Variants in LMO2 observed in about 807,000 individuals in gnomAD.
LMO2 encodes rhombotin-2.
In LMO2, 20 loss-of-function variants were observed where a neutral mutation model predicts 23.2. That is an observed-to-expected ratio of 0.86 (90% CI 0.61 to 1.25). The LOEUF is 1.25. Among genes scored for constraint, LMO2 ranks in the 50% most tolerant of loss-of-function variants. The pLI, the probability that LMO2 is intolerant of heterozygous loss-of-function variation, is 0.00. For synonymous variants in LMO2, 123 were observed against 130.2 expected (o/e 0.94, Z 0.38); for missense variants, 270 against 315.3 (o/e 0.86, Z 1.09).
At chr11:33,865,246 G>A in intron 4 of LMO2, 1 of 251,508 alleles carries the variant, frequency 4.0e-6, no homozygotes, top group Non-Finnish European at 8.0e-6. Flanking sequence ...GACGCACTCT[G>A]GACTAAAAGA....
chr11:33,885,734 C>A (rs182451042), intron 1 of LMO2, among the ~76,000 whole-genome samples: 2 of 152,280 alleles, frequency 1.3e-5, no homozygotes, highest in African/African-American at 2.4e-5. Flanking sequence ...ATTGAGGGAT[C>A]CCCCAAGGGA....
chr11:33,891,519 T>C (rs1857552792), intron 1 of LMO2, among the ~76,000 whole-genome samples: 1 of 152,048 alleles, frequency 6.6e-6, no homozygotes, highest in Admixed American at 6.6e-5. Flanking sequence ...AATTAGCAGT[T>C]CCCGAAGACA....
intron 5 of LMO2, among the ~76,000 whole-genome samples, chr11:33,863,740 A>G (rs1856669006): frequency 1.3e-5 from 2 of 152,244 alleles, no homozygotes; most frequent in African/African-American, 4.8e-5. Flanking sequence ...GGCCCAGAGC[A>G]TGGGAGATGT....
At chr11:33,881,486 CG>C (rs1857283244) in intron 2 of LMO2, 1 of 436,952 alleles carries the variant, frequency 2.3e-6, no homozygotes. Flanking sequence ...GGTTGGGAGA[CG>C]GGGCTGGCAC....
In LMO2 at chr11:33,859,065, G is replaced by C; in HGVS notation, c.*291C>G. On this transcript the variant is annotated 3_prime_UTR_variant, in exon 6 of 6. Coordinates refer to ENST00000257818, the MANE Select transcript of LMO2 (RefSeq NM_005574.4). ...TGAAATTCCATCATGATAGCACAGC[G>C]CCTGCTTGCCCCTAAATGTTCCTTT... is the stretch of plus-strand genomic sequence containing the variant. 2.4e-6 allele frequency: 1 copy of C among 417,626 alleles called. No homozygotes were observed. Among genetic ancestry groups the C allele is most frequent in the South Asian group, 3.0e-5 (1 of 33,026 alleles). 25.9% of individuals were successfully genotyped at this position (417,626 alleles called of 1,614,324 possible). A position where few individuals can be genotyped will look rare whatever the true frequency, so the allele number is the denominator to read the frequency against.
chr11:33,882,669 T>G (rs1857314175), intron 1 of LMO2, among the ~76,000 whole-genome samples: 1 of 152,226 alleles, frequency 6.6e-6, no homozygotes, highest in South Asian at 2.1e-4. Context: ...TGGCAAACAA[T>G]GCCTACCTTT....
intron 4 of LMO2, among the ~76,000 whole-genome samples, chr11:33,866,514 T>C (rs1026609072): frequency 1.3e-5 from 2 of 152,140 alleles, no homozygotes; most frequent in African/African-American, 2.4e-5. Context: ...CATGAGCCAG[T>C]AGTCCCAGCT....
intron 4 of LMO2, among the ~76,000 whole-genome samples, chr11:33,868,596 C>T (rs933717192): frequency 2.0e-5 from 3 of 152,214 alleles, no homozygotes; most frequent in African/African-American, 7.2e-5. Flanking sequence ...GGCCAATGCT[C>T]ATTAGAGCTC....
chr11:33,883,985 T>G (rs549828925), intron 1 of LMO2, among the ~76,000 whole-genome samples: 67 of 152,252 alleles, frequency 4.4e-4, no homozygotes, highest in Non-Finnish European at 1.5e-5. Flanking sequence ...TGAAGTCAGC[T>G]GGTTGCAGAA....
intron 2 of LMO2, among the ~76,000 whole-genome samples, chr11:33,877,156 C>G (rs2133707349): frequency 6.6e-6 from 1 of 152,302 alleles, no homozygotes; most frequent in East Asian, 1.9e-4. Context: ...GGTATGGTGG[C>G]CTCCATGGGA....
At chr11:33,883,363 T>G (rs558539175) in intron 1 of LMO2, among the ~76,000 whole-genome samples, 14 of 152,344 alleles carry the variant, frequency 9.2e-5, no homozygotes, top group African/African-American at 3.1e-4. Flanking sequence ...TGTTGGCACA[T>G]AGGCCATGTA....
intron 1 of LMO2, among the ~76,000 whole-genome samples, chr11:33,882,156 T>C (rs1857298723): frequency 1.3e-5 from 2 of 151,340 alleles, no homozygotes; most frequent in Admixed American, 1.3e-4. Context: ...GCCGACTTCT[T>C]TTTTTTTTCT....
chr11:33,890,763 C>T (rs374066370), intron 1 of LMO2, among the ~76,000 whole-genome samples: 267 of 152,302 alleles, frequency 1.8e-3, no homozygotes, highest in African/African-American at 6.2e-3. Flanking sequence ...GTACCAGCTA[C>T]TATCCAAGCA....
chr11:33,884,278 G>A (rs1857353364), intron 1 of LMO2, among the ~76,000 whole-genome samples: 1 of 152,010 alleles, frequency 6.6e-6, no homozygotes, highest in South Asian at 2.1e-4. Context: ...GAGGTAGTGG[G>A]GGAAGATTAA....
rs71310184 is a variant in LMO2 at position 33,880,152 on chromosome 11, C to CAT, written c.-272+1670_-272+1671dup. ...ATATACGCATACTATTTTATGTGTA[C>CAT]ATATATATACATATGATATATACAC... On this transcript the variant is annotated intron_variant, in intron 2 of 5. Coordinates refer to ENST00000257818, the MANE Select transcript of LMO2 (RefSeq NM_005574.4). The surrounding 1 kb of genome is among the most constrained non-coding windows in gnomAD (Gnocchi z 4.3). 7.9e-5 allele frequency among the ~76,000 whole-genome samples: 3 copies of CAT among 38,058 alleles called. No individual in the cohort carries two copies. The highest frequency in any genetic ancestry group is 1.5e-4 in the Non-Finnish European group (3 of 19,870). 25.0% of individuals were successfully genotyped at this position (38,058 alleles called of 152,430 possible).
In LMO2 at chr11:33,864,823, G is replaced by A; in HGVS notation, c.249-6C>T. On this transcript the variant is annotated splice_region_variant and splice_polypyrimidine_tract_variant and intron_variant, in intron 4 of 5. Transcript: ENST00000257818. This position sits in a 1 kb window ranked among gnomAD's most constrained non-coding sequence, Gnocchi z 4.8. ...GCACCTCATCCACTGGTTCCCTGGA[G>A]AGAAGGCCAAGCATCAGGGACAGCC... is the stretch of plus-strand genomic sequence containing the variant. 1 of 1,612,830 alleles carries A rather than the reference G, an allele frequency of 6.2e-7. No individual in the cohort carries two copies. Among genetic ancestry groups the A allele is most frequent in the Non-Finnish European group, 8.5e-7 (1 of 1,179,772 alleles).
At chr11:33,870,408 A>G in intron 2 of LMO2, 2 of 985,566 alleles carry the variant, frequency 2.0e-6, no homozygotes, top group Non-Finnish European at 2.4e-6. Context: ...AGGTCCACGG[A>G]CGCCGTGCAC....
Position 33,869,338 on chromosome 11 carries a change from G to C in LMO2, c.248+8C>G, listed in dbSNP as rs1337646540. ...CGGGGGTGGCAGGGGCAGGGGGGCC[G>C]CACTTACTCTGAAGGGTCCAGGCTC... On this transcript the variant is annotated splice_region_variant and intron_variant, in intron 4 of 5. Transcript: ENST00000257818. 2.5e-6 allele frequency: 3 copies of C among 1,194,582 alleles called. No individual in the cohort carries two copies. The highest frequency in any genetic ancestry group is 1.6e-5 in the African/African-American group (1 of 62,520). The allele number at this position is 1,194,582 out of a possible 1,614,324, so 74.0% of individuals were successfully genotyped here.
chr11:33,872,421 G>T (rs1857047281), intron 2 of LMO2, among the ~76,000 whole-genome samples: 1 of 152,232 alleles, frequency 6.6e-6, no homozygotes, highest in East Asian at 1.9e-4. Context: ...ACATAGATTT[G>T]TAATGGCATG....
Sources: allele counts gnomAD v4.1 joint callset (sites outside exome capture counted in the v4.1 genomes callset), GRCh38; gene constraint gnomAD v4.1.1; non-coding constraint Gnocchi (gnomAD v3.1); transcripts MANE v1.5; gene names NCBI Gene and HGNC (gene_info 2026-07-23, HGNC 2026-07-21).